The following NSD1 variants were observed in gnomAD, a reference collection of about 807,000 sequenced individuals.
NSD1 encodes nuclear receptor binding SET domain protein 1, also known as histone-lysine N-methyltransferase, H3 lysine-36 specific.
Under a neutral mutation model 242.7 loss-of-function variants are expected in NSD1, and 26 were observed. The observed-to-expected ratio is 0.11, with a 90% CI of 0.08 to 0.15. NSD1 has a LOEUF of 0.15. Ranked by LOEUF, NSD1 falls within the 10% of genes least tolerant of loss-of-function variation. NSD1 has a pLI of 1.00. For missense variants in NSD1, 2,495 were observed against 3,272.8 expected (o/e 0.76, Z 5.80); for synonymous variants, 1,106 against 1,178.1 (o/e 0.94, Z 1.25).
intron 2 of NSD1, chr5:177,136,831 A>G: frequency 1.6e-6 from 1 of 617,700 alleles, no homozygotes; most frequent in Non-Finnish European, 2.9e-6. Context: ...ATTTTAACAG[A>G]ACCCTAACTA....
Position 177,269,471 on chromosome 5 carries a change from A to G in NSD1, c.5304-131A>G. On this transcript the variant is annotated intron_variant, in intron 15 of 22. Transcript: ENST00000439151. The surrounding 1 kb of genome is among the most constrained non-coding windows in gnomAD (Gnocchi z 5.1). ...CTTGTTTGTGTTCTAGTTAGGTTGT[A>G]AGAATGCCGTAAGATGGACTTTAAT... is the stretch of plus-strand genomic sequence containing the variant. The G allele has an allele frequency of 1.2e-6, 1 of 814,864 alleles. No individual in the cohort carries two copies. Among genetic ancestry groups the G allele is most frequent in the Non-Finnish European group, 2.1e-6 (1 of 486,946 alleles). 50.5% of individuals were successfully genotyped at this position (814,864 alleles called of 1,614,324 possible).
rs768391693 is a variant in NSD1 at position 177,267,447 on chromosome 5, A to G, written c.5147-115A>G. Reference sequence around the variant, plus strand: ...ATTATGTGTCACTGATAATGTTTTTATTTAGTATATCTTTTAGTGAAGAGA... The same window carrying G: ...ATTATGTGTCACTGATAATGTTTTTGTTTAGTATATCTTTTAGTGAAGAGA... On this transcript the variant is annotated intron_variant, in intron 14 of 22. Coordinates refer to ENST00000439151, the MANE Select transcript of NSD1 (RefSeq NM_022455.5). 6.1e-4 allele frequency: 533 copies of G among 874,162 alleles called. 2 individuals carry two copies. Among genetic ancestry groups the G allele is most frequent in the Non-Finnish European group, 6.3e-4 (342 of 538,840 alleles). The allele number at this position is 874,162 out of a possible 1,614,324, so 54.2% of individuals were successfully genotyped here.
intron 2 of NSD1, among the ~76,000 whole-genome samples, chr5:177,178,478 G>A (rs545171108): frequency 1.2e-4 from 19 of 152,160 alleles, no homozygotes; most frequent in Non-Finnish European, 2.2e-4. Flanking sequence ...CACCTGCCTC[G>A]GCCTGCCAAA....
chr5:177,250,792 T>C (rs1755881615), intron 11 of NSD1, among the ~76,000 whole-genome samples: 1 of 152,218 alleles, frequency 6.6e-6, no homozygotes, highest in African/African-American at 2.4e-5. Context: ...TATTTAAGCT[T>C]TGATTCTTAA....
intron 11 of NSD1, among the ~76,000 whole-genome samples, chr5:177,250,376 G>A (rs188817626): frequency 1.0e-3 from 158 of 152,320 alleles, no homozygotes; most frequent in Non-Finnish European, 2.9e-4. Flanking sequence ...CAGTCTTTGT[G>A]TAGGTCCCTT....
Position 177,254,700 on chromosome 5 carries a change from G to A in NSD1, c.4766-2251G>A, listed in dbSNP as rs1174564113. Reference sequence around the variant, plus strand: ...TGGGATTACAGGTGTGAGTCACCACGTCCAACCAGTGTCACAAAGATTTTT... The same window carrying A: ...TGGGATTACAGGTGTGAGTCACCACATCCAACCAGTGTCACAAAGATTTTT... On this transcript the variant is annotated intron_variant, in intron 12 of 22. Coordinates refer to ENST00000439151, the MANE Select transcript of NSD1 (RefSeq NM_022455.5). Among the ~76,000 whole-genome samples the A allele has an allele frequency of 2.6e-5, 4 of 152,074 alleles. No individual in the cohort carries two copies. The East Asian group carries it at 5.8e-4, about 22-fold the overall frequency.
Position 177,135,194 on chromosome 5 carries a change from C to T in NSD1, c.91C>T (p.Pro31Ser). 1 of 1,613,916 alleles carries T rather than the reference C, an allele frequency of 6.2e-7. No homozygotes were observed. ...NLDAPEDKDS[P>S]FGNGQSNFSE... Reference sequence around the variant, plus strand: ...AGATGCCCCTGAAGACAAGGACAGCCCTTTCGGTAATGGTCAATCCAATTT... The same window carrying T: ...AGATGCCCCTGAAGACAAGGACAGCTCTTTCGGTAATGGTCAATCCAATTT... Residue 31 changes from proline to serine, a missense_variant, in exon 2 of 23, where the codon CCT becomes TCT. Pro to Ser is a moderately conservative substitution (Grantham distance 74). This residue lies in a region of NSD1 where 376 missense variants were observed against 367.4 expected (regional missense o/e 1.02). Coordinates refer to ENST00000439151, the MANE Select transcript of NSD1 (RefSeq NM_022455.5).
intron 4 of NSD1, among the ~76,000 whole-genome samples, chr5:177,209,175 C>CA (rs1763129197): frequency 6.6e-6 from 1 of 151,998 alleles, no homozygotes; most frequent in African/African-American, 2.4e-5. Context: ...TGCTTGAGCT[C>CA]AGGTGCTAAC....
chr5:177,202,859 A>G (rs1248332834), intron 3 of NSD1, among the ~76,000 whole-genome samples: 3 of 152,160 alleles, frequency 2.0e-5, no homozygotes, highest in African/African-American at 7.2e-5. Flanking sequence ...TTTGTTTTTA[A>G]AATGAACCAG....
intron 2 of NSD1, among the ~76,000 whole-genome samples, chr5:177,164,289 T>C (rs1487163799): frequency 2.0e-5 from 3 of 151,934 alleles, no homozygotes; most frequent in Non-Finnish European, 4.4e-5. Context: ...CCTGAGTAGC[T>C]GGGATTACAG....
rs764462281 is a variant in NSD1, at chr5:177,210,175, C to T, written c.1776C>T (p.Gly592=). The T allele has an allele frequency of 3.1e-6, 5 of 1,606,790 alleles. No individual in the cohort carries two copies. The South Asian group carries it at 5.6e-5, about 18-fold the overall frequency. Residue 592 remains glycine, a synonymous_variant, in exon 5 of 23, where the codon GGC becomes GGT. Transcript: ENST00000439151. ...FETSNGDSLL[G]LPEGALISKC... is the part of the protein sequence containing the mutation. ...CTTCAAATGGTGACTCTTTATTGGG[C>T]TTGCCTGAGGGTGCTTTGATCTCAA...
rs574618472 is a variant in NSD1 at position 177,289,898 on chromosome 5, G to A, written c.6258+973G>A. Among the ~76,000 whole-genome samples, 5 of 151,352 alleles carry A rather than the reference G, an allele frequency of 3.3e-5. No individual in the cohort carries two copies. The South Asian group carries it at 1.0e-3, about 32-fold the overall frequency. ...GCTGGAGTGCAGTGGCGCAATCTCGGCTCACTGCAAGCTCCGTCTCCCGGG... is the reference window on the plus strand; with the variant it reads ...GCTGGAGTGCAGTGGCGCAATCTCGACTCACTGCAAGCTCCGTCTCCCGGG... On this transcript the variant is annotated intron_variant, in intron 21 of 22. Transcript: ENST00000439151.
At chr5:177,197,472 A>T (rs1762189919) in intron 3 of NSD1, among the ~76,000 whole-genome samples, 1 of 152,026 alleles carries the variant, frequency 6.6e-6, no homozygotes, top group South Asian at 2.1e-4. Context: ...AATACAAAAC[A>T]TTAGCTGGGC....
At chr5:177,136,066 A>T (rs764641829) in intron 2 of NSD1, 36 bp downstream of exon 2, 1 of 1,527,666 alleles carries the variant, frequency 6.5e-7, no homozygotes, top group Admixed American at 1.7e-5. Context: ...ATATATACAT[A>T]TATGTATATA....
intron 14 of NSD1, among the ~76,000 whole-genome samples, chr5:177,261,027 T>A (rs1344054423): frequency 6.6e-6 from 1 of 152,158 alleles, no homozygotes; most frequent in African/African-American, 2.4e-5. Flanking sequence ...ATATTAGTTC[T>A]TAAGAGATCA....
chr5:177,254,227 A>G (rs1228303442), intron 12 of NSD1, among the ~76,000 whole-genome samples: 2 of 151,968 alleles, frequency 1.3e-5, no homozygotes, highest in Non-Finnish European at 2.9e-5. Flanking sequence ...GATTACAGGC[A>G]TGAGCCACTG....
chr5:177,155,475 G>A (rs1758051561), intron 2 of NSD1, among the ~76,000 whole-genome samples: 1 of 151,260 alleles, frequency 6.6e-6, no homozygotes, highest in South Asian at 2.1e-4. Context: ...TGTCGGCTAA[G>A]CTGGTCTCGA....
At chr5:177,132,857 G>C (rs1246863412), upstream of NSD1, among the ~76,000 whole-genome samples, 3 of 152,144 alleles carry the variant, frequency 2.0e-5, no homozygotes, top group African/African-American at 7.2e-5. The surrounding 1 kb of genome is among the most constrained non-coding windows in gnomAD (Gnocchi z 7.5). Flanking sequence ...GGGCACCGCA[G>C]GGCCGAGTCC....
intron 3 of NSD1, among the ~76,000 whole-genome samples, chr5:177,200,878 T>C (rs1189351431): frequency 1.3e-5 from 2 of 152,108 alleles, no homozygotes; most frequent in Non-Finnish European, 2.9e-5. Flanking sequence ...ATAAACATTG[T>C]ATAGTATCTG....
Sources: gnomAD v4.1 joint callset for allele counts (sites outside exome capture counted in the v4.1 genomes callset) on GRCh38, gnomAD v4.1.1 for gene constraint, gnomAD v4.1.1 regional missense constraint, Gnocchi (gnomAD v3.1) non-coding constraint, MANE v1.5 for transcripts, NCBI Gene and HGNC (gene_info 2026-07-23, HGNC 2026-07-21) for gene names.